The following RGS6 variants were observed in gnomAD, a reference collection of about 807,000 sequenced individuals.
The protein encoded by RGS6 is regulator of G-protein signaling 6.
RGS6 carries 30 observed loss-of-function variants against 78.5 expected under a neutral mutation model. The observed-to-expected ratio is 0.38, with a 90% CI of 0.29 to 0.52. The LOEUF is 0.52. RGS6 is among the 20% of genes least tolerant of loss of function. RGS6 has a pLI of 0.85. For missense variants in RGS6, 495 were observed against 609.7 expected (o/e 0.81, Z 1.98); for synonymous variants, 206 against 206.0 (o/e 1.00, Z 0.00).
chr14:72,377,226 G>A (rs2084972629), intron 3 of RGS6, among the ~76,000 whole-genome samples: 1 of 152,064 alleles, frequency 6.6e-6, no homozygotes, highest in Non-Finnish European at 1.5e-5. Context: ...CATGCAAACA[G>A]AAACCAAAAG....
intron 2 of RGS6, among the ~76,000 whole-genome samples, chr14:72,350,825 T>G (rs76280272): frequency 6.6e-6 from 1 of 152,194 alleles, no homozygotes; most frequent in Non-Finnish European, 1.5e-5. Context: ...GAGATAATAG[T>G]AGAATCTATT....
intron 2 of RGS6, among the ~76,000 whole-genome samples, chr14:72,255,103 G>A (rs573554585): frequency 2.0e-5 from 3 of 152,274 alleles, no homozygotes; most frequent in Middle Eastern, 3.4e-3. Context: ...AGAGGGAGAT[G>A]GGGGATGGTA....
intron 2 of RGS6, among the ~76,000 whole-genome samples, chr14:72,324,118 A>G (rs1227106421): frequency 2.6e-5 from 4 of 152,142 alleles, no homozygotes; most frequent in African/African-American, 9.6e-5. Context: ...TTGTGCTATC[A>G]AATACTAGAT....
chr14:71,970,986 A>G (rs775903213), intron 2 of RGS6, among the ~76,000 whole-genome samples: 2 of 152,172 alleles, frequency 1.3e-5, no homozygotes, highest in Admixed American at 6.5e-5. Context: ...AGCACCTGTA[A>G]AAGAGCAGAT....
At position 71,948,738 on chromosome 14, in the gene RGS6, CTCTTTTTTTTTTTT is replaced by C. The variant is rs925859838; in HGVS notation, c.-21+15799_-21+15812del. ...AAGCTGATTTCCTTTCTCTCTCTCT[CTCTTTTTTTTTTTT>C]TTTTTTTTTTTTTTAAAGAGATGAG... is the stretch of plus-strand genomic sequence containing the variant. On this transcript the variant is annotated intron_variant, in intron 1 of 17. Transcript: ENST00000553525. Among the ~76,000 whole-genome samples the C allele has an allele frequency of 3.9e-4, 29 of 75,220 alleles. No homozygotes were observed. The South Asian group carries it at 0.016, about 40-fold the overall frequency. The allele number at this position is 75,220 out of a possible 152,430, so 49.3% of individuals were successfully genotyped here.
At chr14:72,488,401 TG>T (rs1237675986) in intron 12 of RGS6, among the ~76,000 whole-genome samples, 1 of 152,222 alleles carries the variant, frequency 6.6e-6, no homozygotes, top group African/African-American at 2.4e-5. Flanking sequence ...GCTCTTATGT[TG>T]GGTGGTCACA....
chr14:72,380,063 G>GACAAA (rs2085669271), intron 3 of RGS6, among the ~76,000 whole-genome samples: 2 of 85,818 alleles, frequency 2.3e-5, no homozygotes, highest in South Asian at 4.4e-4. Flanking sequence ...CACTCACTGA[G>GACAAA]GCAAAACAAA....
chr14:72,587,783 C>T, the RGS6 span, among the ~76,000 whole-genome samples: 1 of 152,218 alleles, frequency 6.6e-6, no homozygotes, highest in African/African-American at 2.4e-5. Flanking sequence ...GAACTGTCTA[C>T]TAACACTAGG....
chr14:71,979,690 G>A (rs1301846994), intron 2 of RGS6, among the ~76,000 whole-genome samples: 1 of 152,096 alleles, frequency 6.6e-6, no homozygotes, highest in Admixed American at 6.5e-5. Context: ...CCAAGTATGT[G>A]GTCAATTTTG....
the RGS6 span, among the ~76,000 whole-genome samples, chr14:71,893,936 T>A: frequency 1.1e-3 from 163 of 152,264 alleles, no homozygotes; most frequent in African/African-American, 3.7e-3. Flanking sequence ...GAGTAGTAAA[T>A]CAGACTTAGG....
chr14:72,048,224 G>C (rs183778508), intron 2 of RGS6, among the ~76,000 whole-genome samples: 9 of 152,236 alleles, frequency 5.9e-5, no homozygotes, highest in African/African-American at 2.2e-4. Context: ...CTTTAACGGG[G>C]TTACCAAATC....
intron 3 of RGS6, among the ~76,000 whole-genome samples, chr14:72,390,079 G>A (rs2089523053): frequency 7.1e-6 from 1 of 140,180 alleles, no homozygotes; most frequent in African/African-American, 2.7e-5. Context: ...AAAGTATAAA[G>A]AGCTATAGTT....
At chr14:71,939,787 TGTG>T (rs2090197786) in intron 1 of RGS6, among the ~76,000 whole-genome samples, 1 of 152,222 alleles carries the variant, frequency 6.6e-6, no homozygotes, top group African/African-American at 2.4e-5. Flanking sequence ...CAAATGGGAA[TGTG>T]GTGGGAATCA....
At chr14:71,999,546 A>T (rs1393404553) in intron 2 of RGS6, among the ~76,000 whole-genome samples, 1 of 152,176 alleles carries the variant, frequency 6.6e-6, no homozygotes. Flanking sequence ...TTCCTGCTCA[A>T]ATCTCGTGTC....
chr14:72,142,924 A>G (rs1217263831), intron 2 of RGS6, among the ~76,000 whole-genome samples: 1 of 152,164 alleles, frequency 6.6e-6, no homozygotes, highest in Non-Finnish European at 1.5e-5. Context: ...ATAAATTAGT[A>G]TTATTCTTAG....
the RGS6 span, among the ~76,000 whole-genome samples, chr14:71,894,716 A>G: frequency 6.6e-6 from 1 of 152,228 alleles, no homozygotes; most frequent in South Asian, 2.1e-4. Context: ...ACAGAAAACT[A>G]GGACTTCATT....
intron 2 of RGS6, among the ~76,000 whole-genome samples, chr14:72,116,874 G>T (rs557210329): frequency 6.9e-6 from 1 of 144,696 alleles, no homozygotes; most frequent in African/African-American, 2.6e-5. Flanking sequence ...TGAGGCAGGA[G>T]AATCACTTGA....
chr14:71,898,680 C>G, the RGS6 span, among the ~76,000 whole-genome samples: 34 of 152,258 alleles, frequency 2.2e-4, no homozygotes, highest in Admixed American at 3.9e-4. Flanking sequence ...TCCCACCCCC[C>G]CGACAGGCCC....
intron 2 of RGS6, among the ~76,000 whole-genome samples, chr14:72,100,747 C>A (rs927212255): frequency 4.6e-5 from 7 of 152,190 alleles, no homozygotes; most frequent in Non-Finnish European, 7.3e-5. Flanking sequence ...CTAAATGAAT[C>A]TATCTGTAAG....
Sources: gnomAD v4.1 joint callset for allele counts (sites outside exome capture counted in the v4.1 genomes callset) on GRCh38, gnomAD v4.1.1 for gene constraint, MANE v1.5 for transcripts, NCBI Gene and HGNC (gene_info 2026-07-23, HGNC 2026-07-21) for gene names.